The following CNTNAP2 variants were observed in gnomAD, a reference collection of about 807,000 sequenced individuals.
The protein encoded by CNTNAP2 is contactin associated protein 2, also known as contactin-associated protein-like 2.
CNTNAP2 carries 98 observed loss-of-function variants against 155.2 expected under a neutral mutation model. That is an observed-to-expected ratio of 0.63 (90% CI 0.54 to 0.75). The LOEUF (loss-of-function observed/expected upper bound fraction) is 0.75. CNTNAP2 is among the 30% of genes least tolerant of loss of function. CNTNAP2 has a pLI of 0.00. For missense variants in CNTNAP2, 1,727 were observed against 1,688.1 expected (o/e 1.02, Z -0.40); for synonymous variants, 651 against 631.2 (o/e 1.03, Z -0.47).
At chr7:146,274,654 G>A (rs1800135634) in intron 1 of CNTNAP2, among the ~76,000 whole-genome samples, 1 of 152,114 alleles carries the variant, frequency 6.6e-6, no homozygotes, top group Non-Finnish European at 1.5e-5. Context: ...ACCCAGGAGA[G>A]GCAGGGTAAG....
intron 17 of CNTNAP2, among the ~76,000 whole-genome samples, chr7:148,165,787 C>T (rs1349138176): frequency 6.6e-6 from 1 of 151,954 alleles, no homozygotes; most frequent in Admixed American, 6.5e-5. Context: ...CTGGCATCAT[C>T]GTGCAGCTAT....
At position 146,851,648 on chromosome 7, in the gene CNTNAP2, T is replaced by TTGTGTG. The variant is rs1481597976; in HGVS notation, c.402+11745_402+11746insGTGTGT. ...CCTGTGTTGCTTTATATCATCTTTC[T>TTGTGTG]TCTGTGTGTGTGTGTGTGTGTGTGT... is the stretch of plus-strand genomic sequence containing the variant. On this transcript the variant is annotated intron_variant, in intron 3 of 23. Coordinates refer to ENST00000361727, the MANE Select transcript of CNTNAP2 (RefSeq NM_014141.6). 3.0e-5 allele frequency among the ~76,000 whole-genome samples: 4 copies of TTGTGTG among 134,008 alleles called. No individual in the cohort carries two copies. In the East Asian group the frequency reaches 7.2e-4, roughly 24 times the overall value. The allele number at this position is 134,008 out of a possible 152,430, so 87.9% of individuals were successfully genotyped here.
intron 18 of CNTNAP2, among the ~76,000 whole-genome samples, chr7:148,204,205 G>A (rs975811433): frequency 6.6e-6 from 1 of 152,210 alleles, no homozygotes; most frequent in Admixed American, 6.5e-5. Flanking sequence ...CCGATACGAT[G>A]TGGCATGTTC....
chr7:147,197,998 C>A (rs1312043250), intron 8 of CNTNAP2, among the ~76,000 whole-genome samples: 1 of 152,090 alleles, frequency 6.6e-6, no homozygotes, highest in Non-Finnish European at 1.5e-5. Flanking sequence ...TGCCTAAATA[C>A]TTGAAAAATT....
intron 8 of CNTNAP2, among the ~76,000 whole-genome samples, chr7:147,272,664 A>G (rs1046099010): frequency 7.2e-6 from 1 of 138,930 alleles, no homozygotes; most frequent in Non-Finnish European, 1.6e-5. Context: ...CGCCCGGCTA[A>G]TTTTTTTTTT....
At chr7:146,792,812 C>T (rs945342081) in intron 2 of CNTNAP2, among the ~76,000 whole-genome samples, 2 of 152,058 alleles carry the variant, frequency 1.3e-5, no homozygotes, top group South Asian at 4.1e-4. Flanking sequence ...AAAATAGATA[C>T]TTGTCTTACT....
At chr7:148,412,319 A>G (rs936078859) in intron 23 of CNTNAP2, among the ~76,000 whole-genome samples, 7 of 152,256 alleles carry the variant, frequency 4.6e-5, no homozygotes, top group African/African-American at 1.7e-4. Flanking sequence ...GCACGCCTGT[A>G]ATCCCAGCAC....
At chr7:146,761,040 A>T (rs1367137264) in intron 1 of CNTNAP2, among the ~76,000 whole-genome samples, 1 of 152,138 alleles carries the variant, frequency 6.6e-6, no homozygotes, top group Non-Finnish European at 1.5e-5. Context: ...AATGAATAAG[A>T]TTATTCAGTT....
intron 1 of CNTNAP2, among the ~76,000 whole-genome samples, chr7:146,739,317 G>A (rs1224227717): frequency 6.6e-6 from 1 of 151,818 alleles, no homozygotes; most frequent in African/African-American, 2.4e-5. Context: ...AATTGCTTTT[G>A]CTCTCCCAGG....
intron 1 of CNTNAP2, among the ~76,000 whole-genome samples, chr7:146,475,359 G>T (rs1413735863): frequency 6.6e-6 from 1 of 152,092 alleles, no homozygotes; most frequent in African/African-American, 2.4e-5. Flanking sequence ...TTCAAACATA[G>T]AAAAAGGAAG....
At chr7:146,634,984 A>G (rs1381570927) in intron 1 of CNTNAP2, among the ~76,000 whole-genome samples, 1 of 152,188 alleles carries the variant, frequency 6.6e-6, no homozygotes, top group Non-Finnish European at 1.5e-5. Context: ...TTTACTGGTA[A>G]AGCTACTGTT....
chr7:147,741,798 CAT>C (rs1418241101), intron 13 of CNTNAP2, among the ~76,000 whole-genome samples: 1 of 152,184 alleles, frequency 6.6e-6, no homozygotes. Context: ...CTCCTCATAA[CAT>C]GTTGTTTAAA....
At chr7:147,017,879 CA>C (rs1343693099) in intron 3 of CNTNAP2, among the ~76,000 whole-genome samples, 1 of 151,932 alleles carries the variant, frequency 6.6e-6, no homozygotes, top group Non-Finnish European at 1.5e-5. Flanking sequence ...AAGGTTACTT[CA>C]ATTAGATACA....
intron 1 of CNTNAP2, among the ~76,000 whole-genome samples, chr7:146,686,494 G>A (rs79272828): frequency 0.024 from 3,638 of 152,152 alleles, 41 homozygotes; most frequent in Middle Eastern, 0.041. Context: ...TAGCCACTGA[G>A]ATACAAATAC....
chr7:146,836,370 C>T (rs1183998808), intron 2 of CNTNAP2, among the ~76,000 whole-genome samples: 2 of 152,042 alleles, frequency 1.3e-5, no homozygotes, highest in Non-Finnish European at 2.9e-5. Context: ...ATGTACTGCT[C>T]TTCATACTAT....
intron 18 of CNTNAP2, among the ~76,000 whole-genome samples, chr7:148,198,333 T>G (rs768445044): frequency 7.9e-5 from 12 of 152,178 alleles, no homozygotes; most frequent in Non-Finnish European, 1.0e-4. Flanking sequence ...GTGTGAGAAG[T>G]TTCATAAAGG....
At chr7:146,172,147 T>C (rs548885084) in intron 1 of CNTNAP2, among the ~76,000 whole-genome samples, 2 of 150,592 alleles carry the variant, frequency 1.3e-5, no homozygotes, top group Admixed American at 6.6e-5. Context: ...CTTTTTCACC[T>C]ACCATCCTTG....
At chr7:147,921,713 CT>C (rs1019031239) in intron 14 of CNTNAP2, among the ~76,000 whole-genome samples, 22 of 152,190 alleles carry the variant, frequency 1.4e-4, no homozygotes, top group African/African-American at 4.6e-4. Context: ...TATTACTGAC[CT>C]TGTGAAGATC....
At chr7:146,408,304 T>A (rs1250292867) in intron 1 of CNTNAP2, among the ~76,000 whole-genome samples, 1 of 152,108 alleles carries the variant, frequency 6.6e-6, no homozygotes, top group East Asian at 1.9e-4. Flanking sequence ...TTCCTTGAGT[T>A]AAGGATGATT....
Sources: gnomAD v4.1 joint callset for allele counts (sites outside exome capture counted in the v4.1 genomes callset) on GRCh38, gnomAD v4.1.1 for gene constraint, MANE v1.5 for transcripts, NCBI Gene and HGNC (gene_info 2026-07-23, HGNC 2026-07-21) for gene names.